Variants in TEX36 observed in about 807,000 individuals in gnomAD.
TEX36 encodes the protein testis expressed 36.
A neutral mutation model predicts 13.6 loss-of-function variants in TEX36; 12 were observed. The ratio of observed to expected loss-of-function variants is 0.88; its 90% CI spans 0.56 to 1.43. The LOEUF (loss-of-function observed/expected upper bound fraction) is 1.43, where lower values mean the gene tolerates loss of function less well. TEX36 is among the 40% of genes most tolerant of loss of function. The probability of loss-of-function intolerance (pLI) is 0.00; values close to 1 mark genes in which losing one functional copy is unlikely to be tolerated. For synonymous variants in TEX36, 93 were observed against 83.0 expected (o/e 1.12, Z -0.65); for missense variants, 224 against 228.3 (o/e 0.98, Z 0.12).
chr10:125,602,085 G>A (rs954037462), intron 3 of TEX36, among the ~76,000 whole-genome samples: 9 of 152,302 alleles, frequency 5.9e-5, no homozygotes, highest in African/African-American at 1.9e-4. Context: ...GCCTCTATCT[G>A]CTGAGCAAGC....
At chr10:125,606,552 C>A (rs958881359) in intron 3 of TEX36, among the ~76,000 whole-genome samples, 1 of 152,116 alleles carries the variant, frequency 6.6e-6, no homozygotes, top group Non-Finnish European at 1.5e-5. Context: ...AGCTGCTCTA[C>A]CCAGTGCTGA....
At chr10:125,655,200 T>C (rs1373702558), downstream of TEX36, among the ~76,000 whole-genome samples, 1 of 152,092 alleles carries the variant, frequency 6.6e-6, no homozygotes, top group Admixed American at 6.6e-5. Context: ...ATCCCAGCAC[T>C]TTGGGAGGCC....
intron 3 of TEX36, among the ~76,000 whole-genome samples, chr10:125,641,439 C>T (rs556760569): frequency 3.3e-5 from 5 of 152,290 alleles, no homozygotes; most frequent in African/African-American, 1.2e-4. Flanking sequence ...CAAATATAAA[C>T]TAAATACTCA....
chr10:125,647,188 T>C (rs1846782839), intron 3 of TEX36, among the ~76,000 whole-genome samples: 2 of 152,152 alleles, frequency 1.3e-5, no homozygotes. Context: ...GACCAGAACA[T>C]TATTTGCTAT....
chr10:125,676,934 T>C (rs1052367976), intron 1 of TEX36, among the ~76,000 whole-genome samples: 1 of 152,222 alleles, frequency 6.6e-6, no homozygotes, highest in Non-Finnish European at 1.5e-5. Context: ...TGGGAAAGAC[T>C]GTATTTCTCC....
At chr10:125,601,518 T>C (rs781749388) in intron 3 of TEX36, among the ~76,000 whole-genome samples, 30 of 152,378 alleles carry the variant, frequency 2.0e-4, no homozygotes, top group Non-Finnish European at 4.3e-4. Context: ...GGATATTAGC[T>C]AGACATTAGC....
intron 1 of TEX36, among the ~76,000 whole-genome samples, chr10:125,680,850 C>T (rs543570508): frequency 3.9e-5 from 6 of 152,298 alleles, no homozygotes; most frequent in South Asian, 4.1e-4. Flanking sequence ...GACTGGGCTA[C>T]GTTTCTGGGG....
At chr10:125,653,718 A>G (rs897444851), downstream of TEX36, among the ~76,000 whole-genome samples, 1 of 152,192 alleles carries the variant, frequency 6.6e-6, no homozygotes, top group Non-Finnish European at 1.5e-5. Flanking sequence ...ATCAGGACCA[A>G]GCATGGTAGC....
At chr10:125,608,776 G>T (rs1016679971) in intron 3 of TEX36, among the ~76,000 whole-genome samples, 38 of 152,048 alleles carry the variant, frequency 2.5e-4, no homozygotes, top group African/African-American at 8.9e-4. Flanking sequence ...AGGCAGACAG[G>T]AAACAACATT....
intron 1 of TEX36, among the ~76,000 whole-genome samples, chr10:125,670,161 G>A (rs1847200639): frequency 1.3e-5 from 2 of 152,178 alleles, no homozygotes; most frequent in African/African-American, 4.8e-5. Flanking sequence ...AGTCTTTGAG[G>A]AATCACCCAC....
intron 3 of TEX36, among the ~76,000 whole-genome samples, chr10:125,628,416 A>C (rs1846512888): frequency 6.6e-6 from 1 of 152,238 alleles, no homozygotes; most frequent in African/African-American, 2.4e-5. Flanking sequence ...TCCTGGAATC[A>C]TATTGCAGTG....
intron 1 of TEX36, among the ~76,000 whole-genome samples, chr10:125,665,481 A>T (rs192116039): frequency 5.8e-4 from 89 of 152,232 alleles, no homozygotes; most frequent in African/African-American, 2.0e-3. Context: ...CAATTCTTTC[A>T]GTACCATTTA....
At chr10:125,639,555 C>T (rs1357995576) in intron 3 of TEX36, among the ~76,000 whole-genome samples, 2 of 131,710 alleles carry the variant, frequency 1.5e-5, no homozygotes, top group African/African-American at 5.7e-5. Flanking sequence ...TACCAATACA[C>T]ATGATACTGT....
intron 3 of TEX36, among the ~76,000 whole-genome samples, chr10:125,613,180 C>G (rs564212950): frequency 8.4e-4 from 125 of 148,316 alleles, no homozygotes; most frequent in Non-Finnish European, 1.5e-3. Context: ...CTGTCTTGGA[C>G]AAGACTGTCT....
chr10:125,676,544 A>AAT (rs2133612683), intron 1 of TEX36, among the ~76,000 whole-genome samples: 1 of 151,128 alleles, frequency 6.6e-6, no homozygotes, highest in Admixed American at 6.6e-5. Context: ...ATATAGTTGG[A>AAT]TCTTTTTTTT....
chr10:125,579,024 C>T lies in TEX36; in HGVS notation c.265-2150G>A, dbSNP rs191167864. Among the ~76,000 whole-genome samples, 12 of 152,312 alleles carry T rather than the reference C, an allele frequency of 7.9e-5. No homozygotes were observed. The East Asian group carries it at 2.3e-3, about 29-fold the overall frequency. ...ATGCTCATGCCTCTATCTGTCTCCTCCCCAACTCGTTACAGAAAGGACTCC... is the reference window on the plus strand; with the variant it reads ...ATGCTCATGCCTCTATCTGTCTCCTTCCCAACTCGTTACAGAAAGGACTCC... On this transcript the variant is annotated intron_variant, in intron 3 of 3. Transcript: ENST00000532135.
At chr10:125,616,619 T>C (rs1198496160), downstream of TEX36, among the ~76,000 whole-genome samples, 1 of 101,324 alleles carries the variant, frequency 9.9e-6, no homozygotes, top group African/African-American at 3.8e-5. Context: ...TAATCCTGAG[T>C]TCTAGTTTGA....
chr10:125,679,098 C>G (rs1037634674), intron 1 of TEX36, among the ~76,000 whole-genome samples: 11 of 151,644 alleles, frequency 7.3e-5, no homozygotes, highest in Admixed American at 3.3e-4. Context: ...CAGCAGTAGC[C>G]CATGTCTAGC....
intron 3 of TEX36, among the ~76,000 whole-genome samples, chr10:125,603,715 G>A (rs780176743): frequency 2.0e-5 from 3 of 152,260 alleles, no homozygotes; most frequent in Non-Finnish European, 1.5e-5. Flanking sequence ...AAAGGACAAC[G>A]TATCCACAGT....
Sources: gnomAD v4.1 joint callset for allele counts (sites outside exome capture counted in the v4.1 genomes callset) on GRCh38, gnomAD v4.1.1 for gene constraint, MANE v1.5 for transcripts, NCBI Gene and HGNC (gene_info 2026-07-23, HGNC 2026-07-21) for gene names.